The following CAPZA2 variants were observed in gnomAD, a reference collection of about 807,000 sequenced individuals.
The protein encoded by CAPZA2 is capping actin protein of muscle Z-line subunit alpha 2.
A neutral mutation model predicts 44.0 loss-of-function variants in CAPZA2; 13 were observed. That is an observed-to-expected ratio of 0.30 (90% confidence interval 0.19 to 0.47). CAPZA2 has a LOEUF of 0.47. Ranked by LOEUF, CAPZA2 falls within the 20% of genes least tolerant of loss-of-function variation. The pLI is 1.00. For missense variants in CAPZA2, 244 were observed against 338.6 expected, an observed-to-expected ratio of 0.72 and a Z score of 2.19; for synonymous variants, 94 against 108.2, an observed-to-expected ratio of 0.87 and a Z score of 0.81.
intron 8 of CAPZA2, among the ~76,000 whole-genome samples, chr7:116,914,008 T>G (rs946177410): frequency 2.0e-5 from 3 of 151,724 alleles, no homozygotes; most frequent in Non-Finnish European, 2.9e-5. Flanking sequence ...ATATACAATT[T>G]ACAGATATTA....
intron 5 of CAPZA2, among the ~76,000 whole-genome samples, chr7:116,905,405 T>G (rs1407688677): frequency 1.3e-5 from 2 of 152,120 alleles, no homozygotes; most frequent in Non-Finnish European, 2.9e-5. Context: ...AAAGGCCCTG[T>G]GACCACGTGG....
chr7:116,904,938 C>T (rs1158857168), intron 5 of CAPZA2, among the ~76,000 whole-genome samples: 2 of 145,866 alleles, frequency 1.4e-5, no homozygotes, highest in Non-Finnish European at 3.0e-5. Flanking sequence ...CGAGACCTGC[C>T]TGGCCAGCAT....
In CAPZA2 at chr7:116,917,885, C is replaced by T. The variant is rs3173936; in HGVS notation, c.*18C>T. 0.24 allele frequency: 381,676 copies of T among 1,599,332 alleles called. 46,985 individuals carry two copies. Among genetic ancestry groups the T allele is most frequent in the East Asian group, 0.4 (17,791 of 44,646 alleles). On this transcript the variant is annotated 3_prime_UTR_variant, in exon 10 of 10. Transcript: ENST00000361183. ...ATGCATAAGATGAACATTGCATGAC[C>T]GGATCATTTTAGTGTCTTTGCGTTA...
At chr7:116,896,829 T>A (rs1796934541) in intron 3 of CAPZA2, among the ~76,000 whole-genome samples, 1 of 151,768 alleles carries the variant, frequency 6.6e-6, no homozygotes, top group East Asian at 1.9e-4. Context: ...ATGAAGTGAG[T>A]TTTATGACCT....
intron 1 of CAPZA2, among the ~76,000 whole-genome samples, chr7:116,885,257 T>TTTG (rs200273655): frequency 0.024 from 3,653 of 152,188 alleles, 142 homozygotes; most frequent in African/African-American, 0.083. Context: ...TAGTTTTTTT[T>TTTG]TTGTTGTTGT....
chr7:116,863,102 G>C (rs955073295), intron 1 of CAPZA2, among the ~76,000 whole-genome samples: 5 of 152,194 alleles, frequency 3.3e-5, no homozygotes, highest in Non-Finnish European at 7.4e-5. Flanking sequence ...GTGTAGCGGC[G>C]GGTGAGGGGA....
chr7:116,904,503 A>G, intron 5 of CAPZA2, 120 bp downstream of exon 5: 1 of 642,730 alleles, frequency 1.6e-6, no homozygotes, highest in Non-Finnish European at 2.7e-6. Flanking sequence ...TTTTTCCTTA[A>G]ATATTTCTAA....
intron 3 of CAPZA2, 51 bp downstream of exon 3, chr7:116,893,096 G>A: frequency 8.1e-7 from 1 of 1,227,442 alleles, no homozygotes; most frequent in South Asian, 1.4e-5. Context: ...GGGAAAACGA[G>A]AGATGCTTTA....
chr7:116,895,222 A>G (rs1462028511), intron 3 of CAPZA2, among the ~76,000 whole-genome samples: 6 of 151,838 alleles, frequency 4.0e-5, no homozygotes, highest in African/African-American at 1.5e-4. Context: ...AAATGAGTGG[A>G]TTTTTTTTAA....
rs575233845 is a variant in CAPZA2 at position 116,893,277 on chromosome 7, C to T, written c.155+232C>T. On this transcript the variant is annotated intron_variant, in intron 3 of 9. Coordinates refer to ENST00000361183, the MANE Select transcript of CAPZA2 (RefSeq NM_006136.3). ...TCCCGAGTAGCTGGGACTACAGGCG[C>T]GCACCACCACGCCTGGCTAATTTTT... Among the ~76,000 whole-genome samples the T allele has an allele frequency of 5.3e-5, 8 of 151,996 alleles. No homozygotes were observed. In the South Asian group the frequency reaches 6.2e-4, roughly 12 times the overall value.
intron 2 of CAPZA2, among the ~76,000 whole-genome samples, chr7:116,890,228 C>T (rs1333397975): frequency 1.3e-5 from 2 of 151,966 alleles, no homozygotes; most frequent in Non-Finnish European, 2.9e-5. Flanking sequence ...TTAAAATTGA[C>T]ATTGAGTTAA....
intron 1 of CAPZA2, among the ~76,000 whole-genome samples, chr7:116,878,117 C>T (rs753465527): frequency 2.6e-5 from 4 of 152,074 alleles, no homozygotes; most frequent in Non-Finnish European, 4.4e-5. Context: ...ATCTTTGAGG[C>T]ATTTTGATGG....
rs372411865 is a variant in CAPZA2 at position 116,901,771 on chromosome 7, G to A, written c.220-2406G>A. Among the ~76,000 whole-genome samples the A allele has an allele frequency of 1.7e-4, 26 of 151,638 alleles. No individual in the cohort carries two copies. The East Asian group carries it at 2.5e-3, about 15-fold the overall frequency. The stretch of plus-strand genomic sequence containing the variant: ...AAAATTAAATTATTTTAAAAGTAAT[G>A]TATGGATTTGATGAAATTTGAATTA... On this transcript the variant is annotated intron_variant, in intron 4 of 9. Coordinates refer to ENST00000361183, the MANE Select transcript of CAPZA2 (RefSeq NM_006136.3).
chr7:116,888,215 G>A (rs774391216), intron 2 of CAPZA2, 25 bp downstream of exon 2: 1 of 1,487,466 alleles, frequency 6.7e-7, no homozygotes, highest in Non-Finnish European at 9.3e-7. Context: ...TATAACACTA[G>A]GCTTGATATA....
intron 4 of CAPZA2, among the ~76,000 whole-genome samples, chr7:116,903,328 G>A (rs945395250): frequency 1.1e-4 from 17 of 150,630 alleles, no homozygotes; most frequent in African/African-American, 3.2e-4. Flanking sequence ...GTCGCTTCTC[G>A]GCCTTTTGGC....
intron 1 of CAPZA2, among the ~76,000 whole-genome samples, chr7:116,871,109 T>C (rs1796549354): frequency 6.6e-6 from 1 of 152,156 alleles, no homozygotes; most frequent in Non-Finnish European, 1.5e-5. Context: ...GGATAAGCCC[T>C]TTAGGACAAA....
Position 116,888,136 on chromosome 7 carries a change from G to A in CAPZA2, c.49G>A (p.Ala17Thr). The A allele has an allele frequency of 6.2e-7, 1 of 1,610,480 alleles. No individual in the cohort carries two copies. The highest frequency in any genetic ancestry group is 8.5e-7 in the Non-Finnish European group (1 of 1,177,966). Residue 17 changes from alanine (A) to threonine (T), a missense_variant, in exon 2 of 10, where the codon GCA becomes ACA. Transcript: ENST00000361183. ...TTTCTTTCTGTTTCAGGTGCGTATA[G>A]CAGCAAAATTCATCATTCATGCCCC... ...QLSDEEKVRI[A>T]AKFIIHAPPG...
chr7:116,879,533 G>A (rs1796664161), intron 1 of CAPZA2, among the ~76,000 whole-genome samples: 3 of 152,150 alleles, frequency 2.0e-5, no homozygotes, highest in African/African-American at 7.2e-5. Context: ...CAGATCATCA[G>A]ACATTAATTA....
At chr7:116,917,587 C>T (rs1791698159) in intron 9 of CAPZA2, 140 bp from the exon 10 acceptor site, 2 of 681,328 alleles carry the variant, frequency 2.9e-6, no homozygotes, top group Admixed American at 4.7e-5. Flanking sequence ...GCTTTTAAAA[C>T]AATGTTGGGA....
Sources: gnomAD v4.1 joint callset for allele counts (sites outside exome capture counted in the v4.1 genomes callset) on GRCh38, gnomAD v4.1.1 for gene constraint, MANE v1.5 for transcripts, NCBI Gene and HGNC (gene_info 2026-07-23, HGNC 2026-07-21) for gene names.